UACA: variants seen among roughly 807,000 people sequenced by gnomAD.
The protein encoded by UACA is uveal autoantigen with coiled-coil domains and ankyrin repeats, also known as nuclear membrane binding protein.
Under a neutral mutation model 160.5 loss-of-function variants are expected in UACA, and 112 were observed. That is an observed-to-expected ratio of 0.70 (90% CI 0.60 to 0.82). The LOEUF is 0.82. Among genes scored for constraint, UACA ranks in the 40% least tolerant of loss-of-function variants. UACA has a pLI of 0.00. For synonymous variants in UACA, 557 were observed against 568.4 expected (o/e 0.98, Z 0.29); for missense variants, 1,574 against 1,614.6 (o/e 0.97, Z 0.43).
chr15:70,712,629 A>G (rs527950652), intron 1 of UACA, among the ~76,000 whole-genome samples: 3 of 152,262 alleles, frequency 2.0e-5, no homozygotes, highest in South Asian at 2.1e-4. Flanking sequence ...TTGCCTCCTT[A>G]TATCATACGG....
intron 1 of UACA, among the ~76,000 whole-genome samples, chr15:70,754,907 C>T (rs2030329435): frequency 6.6e-6 from 1 of 152,100 alleles, no homozygotes; most frequent in Non-Finnish European, 1.5e-5. Flanking sequence ...GTATTATATC[C>T]TATTGTTCCA....
intron 1 of UACA, among the ~76,000 whole-genome samples, chr15:70,711,277 TAAG>T (rs768160252): frequency 6.6e-5 from 10 of 152,076 alleles, no homozygotes; most frequent in Admixed American, 2.6e-4. Context: ...AACCCTAATA[TAAG>T]GAGAGGCAGC....
chr15:70,750,438 A>G (rs558914064), intron 1 of UACA, among the ~76,000 whole-genome samples: 1 of 152,178 alleles, frequency 6.6e-6, no homozygotes, highest in Non-Finnish European at 1.5e-5. Context: ...CTATTTTTCT[A>G]GTATCCAATT....
intron 16 of UACA, 129 bp downstream of exon 16, chr15:70,666,595 C>A: frequency 1.4e-6 from 1 of 714,268 alleles, no homozygotes; most frequent in South Asian, 3.8e-5. Context: ...GGAATTTTTG[C>A]ACGCAAGTTG....
intron 15 of UACA, 27 bp from the exon 16 acceptor site, chr15:70,669,489 A>G (rs765083582): frequency 2.0e-6 from 3 of 1,498,156 alleles, no homozygotes; most frequent in Non-Finnish European, 2.7e-6. Flanking sequence ...AAAGACATCA[A>G]TCACAAAAGC....
the UACA span, among the ~76,000 whole-genome samples, chr15:70,774,289 G>C: frequency 6.6e-6 from 1 of 152,156 alleles, no homozygotes; most frequent in Non-Finnish European, 1.5e-5. Context: ...GCTCACTCCT[G>C]TAATCCCAGC....
At chr15:70,738,373 T>C (rs1595917204) in intron 1 of UACA, among the ~76,000 whole-genome samples, 1 of 152,080 alleles carries the variant, frequency 6.6e-6, no homozygotes, top group Non-Finnish European at 1.5e-5. Context: ...TTTAAAACCC[T>C]CCAGTAGTCA....
intron 1 of UACA, among the ~76,000 whole-genome samples, chr15:70,710,990 A>G (rs1184282129): frequency 1.3e-5 from 2 of 152,024 alleles, no homozygotes; most frequent in Non-Finnish European, 2.9e-5. Flanking sequence ...CCCTCTAATC[A>G]TGGCTTGGTC....
At chr15:70,692,561 G>C (rs1160245226) in intron 3 of UACA, among the ~76,000 whole-genome samples, 1 of 152,128 alleles carries the variant, frequency 6.6e-6, no homozygotes, top group Non-Finnish European at 1.5e-5. Flanking sequence ...GCTTGAGCCT[G>C]GGAGTTGAGA....
chr15:70,722,676 C>T (rs775872664), intron 1 of UACA, among the ~76,000 whole-genome samples: 3 of 152,112 alleles, frequency 2.0e-5, no homozygotes, highest in Non-Finnish European at 4.4e-5. Context: ...ATACATTAAA[C>T]TTTTAAGTCA....
At chr15:70,743,821 A>G (rs1566997115) in intron 1 of UACA, among the ~76,000 whole-genome samples, 1 of 152,082 alleles carries the variant, frequency 6.6e-6, no homozygotes, top group Non-Finnish European at 1.5e-5. Context: ...AAAGCAAAAG[A>G]CTCTGAACCA....
At chr15:70,675,957 G>A (rs747045701) in intron 13 of UACA, among the ~76,000 whole-genome samples, 10 of 152,092 alleles carry the variant, frequency 6.6e-5, no homozygotes, top group Non-Finnish European at 1.5e-4. Flanking sequence ...CTCCAGAAAT[G>A]GGAGAAATAA....
At chr15:70,692,194 G>T (rs1897962286) in intron 3 of UACA, among the ~76,000 whole-genome samples, 1 of 151,944 alleles carries the variant, frequency 6.6e-6, no homozygotes, top group Non-Finnish European at 1.5e-5. Flanking sequence ...TAGAGATAAG[G>T]TTTCACTCTG....
At chr15:70,703,810 T>C (rs1898448205) in intron 1 of UACA, among the ~76,000 whole-genome samples, 1 of 152,162 alleles carries the variant, frequency 6.6e-6, no homozygotes. Flanking sequence ...CCTTCCTTCA[T>C]AGCTATTTCC....
intron 17 of UACA, chr15:70,660,433 T>C (rs1595864061): frequency 2.0e-6 from 1 of 511,860 alleles, no homozygotes; most frequent in Non-Finnish European, 3.5e-6. Flanking sequence ...GTAATGCTAC[T>C]TTCCCTAAGC....
At chr15:70,684,859 A>G (rs567690547) in intron 7 of UACA, among the ~76,000 whole-genome samples, 2 of 152,244 alleles carry the variant, frequency 1.3e-5, no homozygotes, top group South Asian at 2.1e-4. Context: ...TTTGTCTTCT[A>G]TATCCTTATA....
Position 70,668,590 on chromosome 15 carries a change from T to C in UACA, c.2094A>G (p.Ser698=), listed in dbSNP as rs775448576. 5.6e-6 allele frequency: 9 copies of C among 1,613,472 alleles called. No individual in the cohort carries two copies. The African/African-American group carries it at 1.2e-4, about 22-fold the overall frequency. The stretch of plus-strand genomic sequence containing the variant: ...CAGTGATCTTCTTCCCAAGTTCTCC[T>C]GATTTCTGTTCTAATCTGCTCTTAA... ...EQVKSRLEQK[S]GELGKKITEL... The change falls in exon 16 of 19, where the codon TCA becomes TCG. Residue 698 remains serine (S), a synonymous_variant. Transcript: ENST00000322954.
Position 70,664,705 on chromosome 15 carries a change from T to A in UACA, c.4070A>T (p.Asp1357Val), listed in dbSNP as rs1896841385. 4 of 1,613,608 alleles carry A rather than the reference T, an allele frequency of 2.5e-6. No homozygotes were observed. Among genetic ancestry groups the A allele is most frequent in the African/African-American group, 2.7e-5 (2 of 75,014 alleles). The stretch of plus-strand genomic sequence containing the variant: ...AGATTTCACTTGGTGCTGCAGAGTG[T>A]CAATCAGCTGGCTCTGCCTCTTGGT... Reference protein sequence around the residue: ...NPTKRQSQLIDTLQHQVKSLE... With the variant: ...NPTKRQSQLIVTLQHQVKSLE... The change falls in exon 17 of 19, where the codon GAC becomes GTC. Residue 1357 changes from aspartate (D) to valine (V), a missense_variant. By Grantham distance (152) the Asp-to-Val change is radical. Transcript: ENST00000322954.
intron 1 of UACA, among the ~76,000 whole-genome samples, chr15:70,717,329 ACC>A (rs1211585493): frequency 6.6e-6 from 1 of 152,260 alleles, no homozygotes; most frequent in Non-Finnish European, 1.5e-5. Flanking sequence ...CAGAGCAAGA[ACC>A]ATAAGAGCCT....
Sources: allele counts gnomAD v4.1 joint callset (sites outside exome capture counted in the v4.1 genomes callset), GRCh38; gene constraint gnomAD v4.1.1; transcripts MANE v1.5; gene names NCBI Gene and HGNC (gene_info 2026-07-23, HGNC 2026-07-21).